The following RBFOX1 variants were observed in gnomAD, a reference collection of about 807,000 sequenced individuals.
The protein encoded by RBFOX1 is RNA binding fox-1 homolog 1.
RBFOX1 carries 8 observed loss-of-function variants against 57.7 expected under a neutral mutation model. The ratio of observed to expected loss-of-function variants is 0.14; its 90% confidence interval spans 0.08 to 0.25. RBFOX1 has a LOEUF of 0.25. Ranked by LOEUF, RBFOX1 falls within the 10% of genes least tolerant of loss-of-function variation. The pLI is 1.00. For missense variants in RBFOX1, 611 were observed against 548.5 expected, an observed-to-expected ratio of 1.11 and a Z score of -1.14; for synonymous variants, 326 against 222.4, an observed-to-expected ratio of 1.47 and a Z score of -4.15.
intron 1 of RBFOX1, among the ~76,000 whole-genome samples, chr16:6,272,326 A>G (rs1229373416): frequency 6.6e-6 from 1 of 152,242 alleles, no homozygotes; most frequent in African/African-American, 2.4e-5. Flanking sequence ...AAACACCTAC[A>G]GCTGACATGC....
chr16:7,320,190 C>T (rs1358743999), intron 4 of RBFOX1, among the ~76,000 whole-genome samples: 1 of 152,078 alleles, frequency 6.6e-6, no homozygotes, highest in East Asian at 1.9e-4. Flanking sequence ...AGGTATTAAG[C>T]CCCATGTTCA....
intron 3 of RBFOX1, among the ~76,000 whole-genome samples, chr16:7,044,289 G>C (rs8051446): frequency 0.16 from 23,853 of 152,184 alleles, 1,990 homozygotes; most frequent in African/African-American, 0.21. Context: ...AGCCACCTAA[G>C]GCTCAGTTCT....
At chr16:6,677,911 A>C (rs1438687979) in intron 3 of RBFOX1, among the ~76,000 whole-genome samples, 1 of 152,230 alleles carries the variant, frequency 6.6e-6, no homozygotes, top group Non-Finnish European at 1.5e-5. Context: ...TTATTACTAA[A>C]GTGATTAATC....
intron 3 of RBFOX1, among the ~76,000 whole-genome samples, chr16:6,794,856 C>CT (rs2083647724): frequency 6.6e-6 from 1 of 152,006 alleles, no homozygotes; most frequent in Non-Finnish European, 1.5e-5. Context: ...TTGTCAAGGG[C>CT]TTTTTTCCCC....
At chr16:7,459,592 A>T (rs573975692) in intron 4 of RBFOX1, among the ~76,000 whole-genome samples, 1 of 152,182 alleles carries the variant, frequency 6.6e-6, no homozygotes, top group African/African-American at 2.4e-5. Flanking sequence ...TATTGCAGCC[A>T]TTCACCTTAT....
intron 4 of RBFOX1, among the ~76,000 whole-genome samples, chr16:7,272,114 C>A (rs911529536): frequency 2.0e-5 from 3 of 152,148 alleles, no homozygotes; most frequent in Non-Finnish European, 4.4e-5. Context: ...CCCAAATGCT[C>A]CTGAAAACTT....
At chr16:5,513,678 C>T (rs1377100642) in intron 2 of RBFOX1, among the ~76,000 whole-genome samples, 1 of 152,180 alleles carries the variant, frequency 6.6e-6, no homozygotes, top group East Asian at 1.9e-4. Context: ...TTATTTACAT[C>T]ACGATGGGAC....
Position 7,712,249 on chromosome 16 carries a change from C to T in RBFOX1, c.*1504C>T, listed in dbSNP as rs1445049114. The T allele has an allele frequency of 6.6e-6, 1 of 151,968 alleles. No homozygotes were observed. The highest frequency in any genetic ancestry group is 2.4e-5 in the African/African-American group (1 of 41,400). The allele number at this position is 151,968 out of a possible 1,614,324, so 9.4% of individuals were successfully genotyped here. ...AATAAAAACAACAGCAGCAGGCTGT[C>T]CCTGAGTAGTTTTGCTGCCATAGGT... On this transcript the variant is annotated 3_prime_UTR_variant, in exon 16 of 16. Coordinates refer to ENST00000550418, the MANE Select transcript of RBFOX1 (RefSeq NM_018723.4).
chr16:6,192,942 A>G (rs983694979), intron 1 of RBFOX1, among the ~76,000 whole-genome samples: 2 of 152,188 alleles, frequency 1.3e-5, no homozygotes, highest in African/African-American at 2.4e-5. Flanking sequence ...TCGAAATTCA[A>G]TTAAATGTCC....
At position 7,075,919 on chromosome 16, in the gene RBFOX1, G is replaced by C. The variant is rs1349319043; in HGVS notation, c.27+23821G>C. On this transcript the variant is annotated intron_variant, in intron 4 of 15. Transcript: ENST00000550418. Reference sequence around the variant, plus strand: ...AACATGTAAACAATTTCCTGTAACTGAATAACCATGGCTTTATTTGAATGA... The same window carrying C: ...AACATGTAAACAATTTCCTGTAACTCAATAACCATGGCTTTATTTGAATGA... 2.6e-5 allele frequency among the ~76,000 whole-genome samples: 4 copies of C among 151,968 alleles called. No individual in the cohort carries two copies. In the East Asian group the frequency reaches 7.8e-4, roughly 30 times the overall value.
chr16:7,314,218 G>A (rs1349551802), intron 4 of RBFOX1, among the ~76,000 whole-genome samples: 1 of 152,122 alleles, frequency 6.6e-6, no homozygotes, highest in Non-Finnish European at 1.5e-5. Context: ...CTGTTGTACT[G>A]GGGAGCTCTC....
chr16:5,516,983 CCTGA>C (rs1387710483), intron 2 of RBFOX1, among the ~76,000 whole-genome samples: 1 of 151,872 alleles, frequency 6.6e-6, no homozygotes, highest in Non-Finnish European at 1.5e-5. Context: ...CGACTCTTCT[CCTGA>C]CTTTCTTCCT....
chr16:6,544,730 C>T (rs1231464661), intron 2 of RBFOX1, among the ~76,000 whole-genome samples: 1 of 152,118 alleles, frequency 6.6e-6, no homozygotes, highest in Non-Finnish European at 1.5e-5. Context: ...CCTCAGTTTC[C>T]TTGTTTGTCA....
intron 2 of RBFOX1, among the ~76,000 whole-genome samples, chr16:6,328,077 G>C (rs1468883186): frequency 6.6e-6 from 1 of 152,100 alleles, no homozygotes; most frequent in Non-Finnish European, 1.5e-5. Flanking sequence ...AACAAACTGT[G>C]ACACAAACAC....
chr16:5,791,995 C>G (rs538106574), intron 3 of RBFOX1, among the ~76,000 whole-genome samples: 2 of 152,142 alleles, frequency 1.3e-5, no homozygotes, highest in East Asian at 3.9e-4. Context: ...TTGAGGATGA[C>G]TTTGGCAGGG....
intron 3 of RBFOX1, among the ~76,000 whole-genome samples, chr16:7,034,147 A>T (rs1013793489): frequency 6.6e-6 from 1 of 152,042 alleles, no homozygotes; most frequent in Non-Finnish European, 1.5e-5. Context: ...AGTGATTCTC[A>T]TTGCTGGTTC....
intron 3 of RBFOX1, among the ~76,000 whole-genome samples, chr16:6,964,540 C>T (rs924869899): frequency 6.6e-6 from 1 of 152,104 alleles, no homozygotes; most frequent in Non-Finnish European, 1.5e-5. Context: ...GAAGCTATGC[C>T]TGTGTGGGGC....
chr16:6,677,652 A>T (rs954356905), intron 3 of RBFOX1, among the ~76,000 whole-genome samples: 1 of 152,200 alleles, frequency 6.6e-6, no homozygotes, highest in Non-Finnish European at 1.5e-5. Flanking sequence ...ATTAGGGAAC[A>T]AGTTTGGGCT....
At chr16:6,043,208 C>G (rs183290820) in intron 1 of RBFOX1, among the ~76,000 whole-genome samples, 1 of 140,054 alleles carries the variant, frequency 7.1e-6, no homozygotes, top group African/African-American at 2.6e-5. Flanking sequence ...GTAGGTTAAG[C>G]TTTCAGATAG....
Sources: allele counts gnomAD v4.1 joint callset (sites outside exome capture counted in the v4.1 genomes callset), GRCh38; gene constraint gnomAD v4.1.1; transcripts MANE v1.5; gene names NCBI Gene and HGNC (gene_info 2026-07-23, HGNC 2026-07-21).